Variants in KCNC4 observed in about 807,000 individuals in gnomAD.
The protein encoded by KCNC4 is voltage-gated potassium channel KCNC4.
Under a neutral mutation model 42.8 loss-of-function variants are expected in KCNC4, and 23 were observed. The observed-to-expected ratio is 0.54, with a 90% confidence interval of 0.39 to 0.76. The LOEUF is 0.76. Ranked by LOEUF, KCNC4 falls within the 30% of genes least tolerant of loss-of-function variation. The pLI is 0.00. For missense variants in KCNC4, 751 were observed against 898.2 expected, an observed-to-expected ratio of 0.84 and a Z score of 2.10; for synonymous variants, 422 against 393.5, an observed-to-expected ratio of 1.07 and a Z score of -0.86.
chr1:110,229,696 T>G (rs1658597819), intron 3 of KCNC4, among the ~76,000 whole-genome samples: 1 of 152,078 alleles, frequency 6.6e-6, no homozygotes, highest in Non-Finnish European at 1.5e-5. Flanking sequence ...AGTCACTGGG[T>G]GAGCAGGGGT....
chr1:110,232,345 G>GTAT, intron 3 of KCNC4: 1 of 1,603,492 alleles, frequency 6.2e-7, no homozygotes, highest in Non-Finnish European at 8.5e-7. Flanking sequence ...ATCATACTCA[G>GTAT]GAGCCTTCTT....
At chr1:110,215,611 G>C (rs1348317115) in intron 1 of KCNC4, among the ~76,000 whole-genome samples, 2 of 152,164 alleles carry the variant, frequency 1.3e-5, no homozygotes, top group African/African-American at 4.8e-5. Flanking sequence ...TTTCCCTTTT[G>C]AGTAGAGGAG....
intron 1 of KCNC4, among the ~76,000 whole-genome samples, chr1:110,258,807 G>A (rs929576595): frequency 1.3e-5 from 2 of 152,150 alleles, no homozygotes; most frequent in African/African-American, 4.8e-5. Context: ...CAGAAGTGGT[G>A]AATCCTCCAA....
chr1:110,269,637 T>C (rs1218354081), intron 1 of KCNC4, among the ~76,000 whole-genome samples: 1 of 152,254 alleles, frequency 6.6e-6, no homozygotes, highest in African/African-American at 2.4e-5. Flanking sequence ...AACATATGTT[T>C]TCATTTCTCC....
rs1001309493 is a variant in KCNC4, at chr1:110,210,517, G to T, written c.-983G>T. 6.6e-6 allele frequency among the ~76,000 whole-genome samples: 1 copy of T among 151,506 alleles called. No homozygotes were observed. Among genetic ancestry groups the T allele is most frequent in the African/African-American group, 2.4e-5 (1 of 41,366 alleles). ...AGCGCCGCCAGATCGCAGGAACCAG[G>T]CGCCGGGGCGTTGCGCTGAGGCTCC... On this transcript the variant is annotated 5_prime_UTR_variant, in exon 1 of 4. Transcript: ENST00000438661.
intron 3 of KCNC4, 168 bp from the exon 4 acceptor site, chr1:110,232,743 C>A: frequency 6.5e-7 from 1 of 1,530,172 alleles, no homozygotes; most frequent in Non-Finnish European, 8.7e-7. Flanking sequence ...TGCTCCTGGT[C>A]TACTCCTTAG....
At position 110,244,888 on chromosome 1, in the gene KCNC4, T is replaced by G. The variant is rs1307529762; in HGVS notation, c.*12579T>G. The G allele has an allele frequency of 2.6e-5, 4 of 152,234 alleles. No individual in the cohort carries two copies. The East Asian group carries it at 7.7e-4, about 29-fold the overall frequency. The allele number at this position is 152,234 out of a possible 1,614,324, so 9.4% of individuals were successfully genotyped here. A position where few individuals can be genotyped will look rare whatever the true frequency, so the allele number is the denominator to read the frequency against. ...CTTGGCTGAGCTTCAGTTCCCCGTT[T>G]GCAAAATTGGGGATAATACTGCCCA... On this transcript the variant is annotated 3_prime_UTR_variant, in exon 4 of 4. Coordinates refer to the KCNC4 transcript ENST00000369787.
chr1:110,226,557 A>G (rs566617560), intron 3 of KCNC4, among the ~76,000 whole-genome samples: 8 of 152,206 alleles, frequency 5.3e-5, no homozygotes, highest in Admixed American at 2.0e-4. Context: ...CCTCCCTTAA[A>G]CACAGCTAAG....
At chr1:110,224,987 G>C (rs1367599595) in intron 2 of KCNC4, 1 of 152,198 alleles carries the variant, frequency 6.6e-6, no homozygotes, top group Non-Finnish European at 1.5e-5. Context: ...GTCATGTCAG[G>C]GGCCTGGGTC....
downstream of KCNC4, among the ~76,000 whole-genome samples, chr1:110,251,665 GAGA>G (rs145412298): frequency 0.024 from 3,598 of 152,324 alleles, 59 homozygotes; most frequent in Non-Finnish European, 0.034. Flanking sequence ...TTACCCAAGA[GAGA>G]AGGAGGAACT....
intron 1 of KCNC4, among the ~76,000 whole-genome samples, chr1:110,272,205 A>G (rs1292105029): frequency 3.3e-5 from 5 of 152,222 alleles, no homozygotes; most frequent in African/African-American, 4.8e-5. Flanking sequence ...TCCTGTCTCA[A>G]TGTTGAACAA....
At chr1:110,260,284 C>T (rs1204765636) in intron 1 of KCNC4, among the ~76,000 whole-genome samples, 2 of 152,136 alleles carry the variant, frequency 1.3e-5, no homozygotes, top group Admixed American at 1.3e-4. Flanking sequence ...GATTGCAGAT[C>T]TTGAAAATCC....
rs137926712 is a variant in KCNC4 at position 110,212,244 on chromosome 1, G to A, written c.678+67G>A. 21 of 1,349,954 alleles carry A rather than the reference G, an allele frequency of 1.6e-5. 1 individual carries two copies. The highest frequency in any genetic ancestry group is 1.7e-5 in the Non-Finnish European group (18 of 1,055,404). 83.6% of individuals were successfully genotyped at this position (1,349,954 alleles called of 1,614,324 possible). ...AGGGGTCCGTGGTGGGTGGTGGGTA[G>A]GGGCCGGGAGGAGCAGGGACCGAGC... On this transcript the variant is annotated intron_variant, in intron 1 of 3. Transcript: ENST00000438661.
chr1:110,236,901 T>G (rs1264381206), downstream of KCNC4: 2 of 152,174 alleles, frequency 1.3e-5, no homozygotes, highest in Non-Finnish European at 2.9e-5. Context: ...GAGGGCAGAT[T>G]GGGTTTAAAT....
chr1:110,266,936 CT>C (rs1176337109), intron 1 of KCNC4, among the ~76,000 whole-genome samples: 1 of 144,576 alleles, frequency 6.9e-6, no homozygotes, highest in Non-Finnish European at 1.5e-5. Flanking sequence ...ATCCCACTTT[CT>C]CACTTTGGCT....
chr1:110,224,156 C>T (rs1029071240), intron 2 of KCNC4: 1 of 476,606 alleles, frequency 2.1e-6, no homozygotes, highest in South Asian at 3.9e-5. Flanking sequence ...GTACATGGGG[C>T]TGTATATTAG....
rs774032934 is a variant in KCNC4 at position 110,223,393 on chromosome 1, C to T, written c.1108C>T (p.Leu370=). 3.7e-6 allele frequency: 6 copies of T among 1,613,826 alleles called. No homozygotes were observed. The highest frequency in any genetic ancestry group is 5.1e-6 in the Non-Finnish European group (6 of 1,180,020). The change falls in exon 2 of 4, where the codon CTG becomes TTG. Residue 370 remains leucine, a synonymous_variant. Transcript: ENST00000438661. The surrounding 1 kb of genome is among the most constrained non-coding windows in gnomAD (Gnocchi z 7.5). ...ACGCCACTTCGTGGGGCTACGCGTGCTGGGCCACACCCTGAGGGCCAGCAC... is the reference window on the plus strand; with the variant it reads ...ACGCCACTTCGTGGGGCTACGCGTGTTGGGCCACACCCTGAGGGCCAGCAC... ...LTRHFVGLRV[L]GHTLRASTNE...
chr1:110,251,469 G>A (rs543898348), downstream of KCNC4, among the ~76,000 whole-genome samples: 9 of 152,276 alleles, frequency 5.9e-5, no homozygotes, highest in East Asian at 1.5e-3. Context: ...TTCACCTTTT[G>A]CCATGATTGT....
intron 3 of KCNC4, chr1:110,232,543 A>G: frequency 4.2e-6 from 6 of 1,434,326 alleles, no homozygotes; most frequent in Middle Eastern, 2.6e-4. Context: ...ACTGCACTGG[A>G]GCTTTGAAGA....
Sources: allele counts gnomAD v4.1 joint callset (sites outside exome capture counted in the v4.1 genomes callset), GRCh38; gene constraint gnomAD v4.1.1; non-coding constraint Gnocchi (gnomAD v3.1); transcripts MANE v1.5; gene names NCBI Gene and HGNC (gene_info 2026-07-23, HGNC 2026-07-21).